Variants in SYT1 observed in about 807,000 individuals in gnomAD.
The protein encoded by SYT1 is synaptotagmin-1.
SYT1 carries 8 observed loss-of-function variants against 44.8 expected under a neutral mutation model. That is an observed-to-expected ratio of 0.18 (90% CI 0.10 to 0.32). The LOEUF is 0.32. SYT1 is among the 10% of genes least tolerant of loss of function. The pLI, the probability that SYT1 is intolerant of heterozygous loss-of-function variation, is 1.00. For missense variants in SYT1, 286 were observed against 509.3 expected, an observed-to-expected ratio of 0.56 and a Z score of 4.22; for synonymous variants, 154 against 188.8, an observed-to-expected ratio of 0.82 and a Z score of 1.51.
At chr12:79,411,875 G>T (rs1046105504) in intron 9 of SYT1, among the ~76,000 whole-genome samples, 1 of 151,612 alleles carries the variant, frequency 6.6e-6, no homozygotes, top group Admixed American at 6.6e-5. Context: ...ATATTGAGGC[G>T]TCCTTCTGCA....
At chr12:78,900,045 A>C (rs1279402963) in intron 1 of SYT1, among the ~76,000 whole-genome samples, 1 of 152,104 alleles carries the variant, frequency 6.6e-6, no homozygotes, top group Admixed American at 6.6e-5. Flanking sequence ...ACCAAACGCA[A>C]ATGTGACAAA....
chr12:79,255,229 AATTAG>A (rs1486808516), intron 4 of SYT1, among the ~76,000 whole-genome samples: 1 of 152,120 alleles, frequency 6.6e-6, no homozygotes, highest in East Asian at 1.9e-4. Flanking sequence ...CCACCACCCT[AATTAG>A]TCAGCATCCA....
At chr12:78,896,011 C>T (rs909238586) in intron 1 of SYT1, among the ~76,000 whole-genome samples, 3 of 151,628 alleles carry the variant, frequency 2.0e-5, no homozygotes, top group Non-Finnish European at 3.0e-5. Context: ...ATAATTATAC[C>T]TAATTTAAAG....
At chr12:78,953,399 T>C (rs1393587448) in intron 1 of SYT1, among the ~76,000 whole-genome samples, 1 of 152,132 alleles carries the variant, frequency 6.6e-6, no homozygotes, top group Non-Finnish European at 1.5e-5. Context: ...GTTACTTAGA[T>C]GGATTAGTTC....
At chr12:79,419,887 T>C (rs1029510551) in intron 9 of SYT1, among the ~76,000 whole-genome samples, 10 of 152,136 alleles carry the variant, frequency 6.6e-5, no homozygotes. Flanking sequence ...TTTTCAGCCA[T>C]ATAAATGGCA....
At chr12:78,981,550 A>G (rs543601660) in intron 2 of SYT1, among the ~76,000 whole-genome samples, 1 of 152,262 alleles carries the variant, frequency 6.6e-6, no homozygotes, top group Admixed American at 6.5e-5. Flanking sequence ...AGTGCCAACT[A>G]ATGGAGTGAA....
chr12:79,330,776 C>T (rs1881819611), intron 8 of SYT1, among the ~76,000 whole-genome samples: 2 of 152,090 alleles, frequency 1.3e-5, no homozygotes, highest in Non-Finnish European at 2.9e-5. Flanking sequence ...CACTTAGGTA[C>T]TATTATCATT....
intron 8 of SYT1, among the ~76,000 whole-genome samples, chr12:79,353,252 A>T (rs1216098487): frequency 1.3e-5 from 2 of 152,112 alleles, no homozygotes; most frequent in East Asian, 3.9e-4. Flanking sequence ...AATTATAGAT[A>T]TATTTTGATG....
intron 3 of SYT1, among the ~76,000 whole-genome samples, chr12:79,130,178 T>A (rs181952616): frequency 1.3e-5 from 2 of 152,288 alleles, no homozygotes; most frequent in Non-Finnish European, 2.9e-5. Flanking sequence ...AGGAATAAAG[T>A]GTTTTTTCAC....
At chr12:78,881,419 C>A (rs770479191) in intron 1 of SYT1, among the ~76,000 whole-genome samples, 13 of 151,678 alleles carry the variant, frequency 8.6e-5, no homozygotes, top group Non-Finnish European at 1.5e-4. Flanking sequence ...GAGCCACCCC[C>A]TTTTGGTTTT....
intron 4 of SYT1, among the ~76,000 whole-genome samples, chr12:79,248,051 A>G (rs1876958587): frequency 6.6e-6 from 1 of 152,372 alleles, no homozygotes; most frequent in Admixed American, 6.5e-5. Context: ...TAACTTACAC[A>G]GAACTAAGCC....
chr12:79,043,789 A>G (rs892935899), intron 2 of SYT1, among the ~76,000 whole-genome samples: 1 of 151,922 alleles, frequency 6.6e-6, no homozygotes, highest in Non-Finnish European at 1.5e-5. Context: ...CATGTTTAGC[A>G]CTTCCTTCAG....
intron 2 of SYT1, among the ~76,000 whole-genome samples, chr12:79,044,587 C>T (rs1223620179): frequency 1.4e-5 from 2 of 146,440 alleles, no homozygotes; most frequent in African/African-American, 5.2e-5. Context: ...CCTCCCGTAG[C>T]TCAGAGTAAT....
intron 3 of SYT1, among the ~76,000 whole-genome samples, chr12:79,054,044 A>G (rs1022694164): frequency 6.6e-6 from 1 of 152,066 alleles, no homozygotes; most frequent in African/African-American, 2.4e-5. Flanking sequence ...GCATTGAACT[A>G]AATTTCATTT....
intron 3 of SYT1, among the ~76,000 whole-genome samples, chr12:79,091,492 T>G (rs1877772230): frequency 6.6e-6 from 1 of 152,038 alleles, no homozygotes; most frequent in Admixed American, 6.6e-5. Flanking sequence ...TCAAAACATC[T>G]TCAGTTGAAG....
chr12:79,040,570 G>C (rs1333052133), intron 2 of SYT1, among the ~76,000 whole-genome samples: 1 of 151,980 alleles, frequency 6.6e-6, no homozygotes, highest in African/African-American at 2.4e-5. Flanking sequence ...CCATTTTGTA[G>C]GTTGCCTGTT....
At chr12:78,916,015 C>T (rs995793638) in intron 1 of SYT1, among the ~76,000 whole-genome samples, 7 of 151,944 alleles carry the variant, frequency 4.6e-5, no homozygotes, top group South Asian at 2.1e-4. Context: ...AGACTTTAAT[C>T]GGATGTTTTT....
intron 2 of SYT1, among the ~76,000 whole-genome samples, chr12:79,007,380 G>A (rs192421044): frequency 6.6e-6 from 1 of 152,118 alleles, no homozygotes; most frequent in Admixed American, 6.6e-5. Flanking sequence ...TTGAGCACAT[G>A]GAAACTATTT....
intron 1 of SYT1, among the ~76,000 whole-genome samples, chr12:78,886,301 C>T (rs1165254797): frequency 2.0e-5 from 3 of 151,954 alleles, no homozygotes; most frequent in African/African-American, 7.2e-5. Flanking sequence ...AAAAGCTATC[C>T]TCCTCAAAAT....
Sources: gnomAD v4.1 joint callset for allele counts (sites outside exome capture counted in the v4.1 genomes callset) on GRCh38, gnomAD v4.1.1 for gene constraint, MANE v1.5 for transcripts, NCBI Gene and HGNC (gene_info 2026-07-23, HGNC 2026-07-21) for gene names.